The following USH2A variants were observed in gnomAD, a reference collection of about 807,000 sequenced individuals.
The protein encoded by USH2A is usherin, also known as Usher syndrome 2A (autosomal recessive, mild).
Under a neutral mutation model 538.9 loss-of-function variants are expected in USH2A, and 443 were observed. That is an observed-to-expected ratio of 0.82 (90% CI 0.76 to 0.89). USH2A has a LOEUF of 0.89. Ranked by LOEUF, USH2A falls within the 40% of genes least tolerant of loss-of-function variation. The probability of loss-of-function intolerance (pLI) is 0.00; values close to 1 mark genes in which losing one functional copy is unlikely to be tolerated. For synonymous variants in USH2A, 2,413 were observed against 2,273.5 expected, an observed-to-expected ratio of 1.06 and a Z score of -1.75; for missense variants, 6,633 against 6,324.8, an observed-to-expected ratio of 1.05 and a Z score of -1.65.
intron 13 of USH2A, among the ~76,000 whole-genome samples, chr1:216,237,257 GAAC>G (rs757447730): frequency 6.6e-6 from 1 of 152,032 alleles, no homozygotes; most frequent in Non-Finnish European, 1.5e-5. Context: ...CTTGGGTTTT[GAAC>G]AACAAATGAG....
intron 50 of USH2A, among the ~76,000 whole-genome samples, chr1:215,795,798 C>T (rs1662110405): frequency 6.6e-6 from 1 of 152,142 alleles, no homozygotes; most frequent in African/African-American, 2.4e-5. Context: ...GTTACTATGA[C>T]TTTAAGCAGT....
chr1:215,629,495 CTA>C (rs1333389494), intron 70 of USH2A, among the ~76,000 whole-genome samples: 1 of 152,178 alleles, frequency 6.6e-6, no homozygotes, highest in Admixed American at 6.5e-5. Flanking sequence ...TGGTGGTCCA[CTA>C]TGTGAGCTCC....
At chr1:215,858,444 G>A (rs1664228189) in intron 44 of USH2A, among the ~76,000 whole-genome samples, 1 of 150,196 alleles carries the variant, frequency 6.7e-6, no homozygotes, top group Non-Finnish European at 1.5e-5. Flanking sequence ...AAGATCTGAT[G>A]GTTTCATAAG....
chr1:215,954,107 C>T (rs2102443925), intron 37 of USH2A, among the ~76,000 whole-genome samples: 1 of 152,280 alleles, frequency 6.6e-6, no homozygotes, highest in East Asian at 1.9e-4. Flanking sequence ...CACTTTTACA[C>T]TGTTGGTGGG....
At chr1:216,418,423 C>T (rs2039611555) in intron 3 of USH2A, 91 bp downstream of exon 3, 2 of 1,437,670 alleles carry the variant, frequency 1.4e-6, no homozygotes, top group South Asian at 1.2e-5. Flanking sequence ...GATACTGCTG[C>T]AGATTTTGTG....
chr1:215,985,861 T>A (rs114178792), intron 35 of USH2A, among the ~76,000 whole-genome samples: 4,918 of 151,042 alleles, frequency 0.033, 253 homozygotes, highest in African/African-American at 0.11. Flanking sequence ...GAGCCAAATG[T>A]TTTTTTTAAA....
intron 4 of USH2A, among the ~76,000 whole-genome samples, chr1:216,347,352 A>C (rs982991143): frequency 8.5e-5 from 13 of 152,080 alleles, no homozygotes; most frequent in Non-Finnish European, 1.6e-4. Flanking sequence ...GGCCTAATGA[A>C]TGACTTATGA....
At chr1:216,184,118 A>T (rs1280335136) in intron 20 of USH2A, among the ~76,000 whole-genome samples, 1 of 152,022 alleles carries the variant, frequency 6.6e-6, no homozygotes, top group African/African-American at 2.4e-5. Flanking sequence ...GAAGTTACTT[A>T]AGTCATCTGT....
At chr1:215,705,940 T>C (rs191213640) in intron 61 of USH2A, among the ~76,000 whole-genome samples, 1 of 152,374 alleles carries the variant, frequency 6.6e-6, no homozygotes, top group East Asian at 1.9e-4. Flanking sequence ...AAGTTCCTTA[T>C]GCCTCAAGAG....
chr1:216,201,058 G>A (rs897579226), intron 16 of USH2A, among the ~76,000 whole-genome samples: 5 of 127,542 alleles, frequency 3.9e-5, no homozygotes, highest in Non-Finnish European at 6.6e-5. Flanking sequence ...CCTTCCTTCC[G>A]ACAGGAGATA....
chr1:215,923,350 C>A (rs573982191), intron 38 of USH2A, among the ~76,000 whole-genome samples: 1 of 152,204 alleles, frequency 6.6e-6, no homozygotes, highest in South Asian at 2.1e-4. Context: ...ATCTAGTCTA[C>A]CTCCTTCTCT....
chr1:216,386,765 T>G (rs778186792), intron 3 of USH2A, among the ~76,000 whole-genome samples: 8 of 146,208 alleles, frequency 5.5e-5, no homozygotes, highest in African/African-American at 7.6e-5. Flanking sequence ...TGAGGCAGGA[T>G]AATGGAGCGA....
rs887590990 is a variant in USH2A, at chr1:216,200,125, A to C, written c.3317-4T>G. On this transcript the variant is annotated splice_polypyrimidine_tract_variant and splice_region_variant and intron_variant, in intron 16 of 71. Coordinates refer to ENST00000307340, the MANE Select transcript of USH2A (RefSeq NM_206933.4). Reference sequence around the variant, plus strand: ...GTGTCTAAGAAGTATTGAATACCTGAAATGAAAAGAAAAAAAAAAAACAAA... The same window carrying C: ...GTGTCTAAGAAGTATTGAATACCTGCAATGAAAAGAAAAAAAAAAAACAAA... 6.2e-7 allele frequency: 1 copy of C among 1,607,256 alleles called. No individual in the cohort carries two copies. Among genetic ancestry groups the C allele is most frequent in the African/African-American group, 1.3e-5 (1 of 74,520 alleles).
At chr1:216,156,298 T>TTTTTTTTTTTTTTTTTTTTTTTC (rs1558288823) in intron 21 of USH2A, among the ~76,000 whole-genome samples, 1 of 21,782 alleles carries the variant, frequency 4.6e-5, no homozygotes, top group African/African-American at 1.2e-4. Flanking sequence ...TTTTTTTCTT[T>TTTTTTTTTTTTTTTTTTTTTTTC]TTTTTTTTTT....
rs763045746 is a variant in USH2A, at chr1:216,225,688, C to CTTGGGAAGTTTG, written c.2993+6264_2993+6265insCAAACTTCCCAA. Among the ~76,000 whole-genome samples, 25 of 152,246 alleles carry CTTGGGAAGTTTG rather than the reference C, an allele frequency of 1.6e-4. No individual in the cohort carries two copies. In the East Asian group the frequency reaches 4.8e-3, roughly 29 times the overall value. On this transcript the variant is annotated intron_variant, in intron 14 of 71. Transcript: ENST00000307340. The stretch of plus-strand genomic sequence containing the variant: ...GCCAAACCTGAGAAGAATCTAAGCC[C>CTTGGGAAGTTTG]CACTCAAACTTGGGAAGTTTGGACT...
intron 49 of USH2A, among the ~76,000 whole-genome samples, chr1:215,813,090 T>C (rs1313016747): frequency 2.6e-5 from 4 of 152,326 alleles, no homozygotes; most frequent in South Asian, 2.1e-4. Flanking sequence ...AGAGACTTGG[T>C]ACTTTAAAAA....
At chr1:216,163,055 G>T (rs567717890) in intron 21 of USH2A, among the ~76,000 whole-genome samples, 1 of 151,738 alleles carries the variant, frequency 6.6e-6, no homozygotes, top group East Asian at 1.9e-4. Flanking sequence ...AATTCCAGGT[G>T]TGTGCAACTC....
intron 62 of USH2A, among the ~76,000 whole-genome samples, chr1:215,678,737 C>A (rs975118559): frequency 6.6e-6 from 1 of 152,106 alleles, no homozygotes; most frequent in African/African-American, 2.4e-5. Context: ...CACACACGCA[C>A]GTGCACTCAC....
intron 20 of USH2A, among the ~76,000 whole-genome samples, chr1:216,188,862 C>T (rs1338414199): frequency 6.6e-6 from 1 of 151,908 alleles, no homozygotes; most frequent in Non-Finnish European, 1.5e-5. Context: ...CCTACTATAA[C>T]ACACCCAGTC....
Sources: allele counts gnomAD v4.1 joint callset (sites outside exome capture counted in the v4.1 genomes callset), GRCh38; gene constraint gnomAD v4.1.1; transcripts MANE v1.5; gene names NCBI Gene and HGNC (gene_info 2026-07-23, HGNC 2026-07-21).